The following ZNF714 variants were observed in gnomAD, a reference collection of about 807,000 sequenced individuals.
The protein encoded by ZNF714 is zinc finger protein 714.
Under a neutral mutation model 46.2 loss-of-function variants are expected in ZNF714, and 32 were observed. That is an observed-to-expected ratio of 0.69 (90% CI 0.52 to 0.93). The LOEUF is 0.93. ZNF714 is among the 40% of genes least tolerant of loss of function. The pLI, the probability that ZNF714 is intolerant of heterozygous loss-of-function variation, is 0.00. For synonymous variants in ZNF714, 199 were observed against 213.1 expected (o/e 0.93, Z 0.58); for missense variants, 635 against 646.3 (o/e 0.98, Z 0.19).
intron 4 of ZNF714, among the ~76,000 whole-genome samples, chr19:21,103,250 ATTG>A (rs1246320757): frequency 1.3e-5 from 2 of 151,726 alleles, no homozygotes; most frequent in African/African-American, 4.8e-5. Flanking sequence ...AGAAAAAGTA[ATTG>A]TTGTAAAAAC....
intron 4 of ZNF714, among the ~76,000 whole-genome samples, chr19:21,106,370 C>T (rs967665520): frequency 6.6e-6 from 1 of 151,924 alleles, no homozygotes; most frequent in Non-Finnish European, 1.5e-5. Flanking sequence ...GAGTTCGAGA[C>T]CAGCCTGACC....
chr19:21,097,467 G>C (rs997472744), intron 2 of ZNF714, among the ~76,000 whole-genome samples: 4 of 152,130 alleles, frequency 2.6e-5, no homozygotes, highest in African/African-American at 9.7e-5. Flanking sequence ...AGAGCTCTCT[G>C]ACTTTTTTTC....
rs74172391 is a variant in ZNF714 at position 21,112,816 on chromosome 19, A to ATTTTTTTTTT, written c.143-3976_143-3967dup. Among the ~76,000 whole-genome samples the ATTTTTTTTTT allele has an allele frequency of 1.1e-3, 47 of 43,208 alleles. 8 individuals carry two copies. The highest frequency in any genetic ancestry group is 3.3e-3 in the African/African-American group (43 of 12,922). 28.3% of individuals were successfully genotyped at this position (43,208 alleles called of 152,430 possible). A position where few individuals can be genotyped will look rare whatever the true frequency, so the allele number is the denominator to read the frequency against. On this transcript the variant is annotated intron_variant, in intron 4 of 4. Transcript: ENST00000456283. ...GTTTCAAATAGTTTTTTTATTTCTG[A>ATTTTTTTTTT]TTTTTTTTTTTTTTTTTTTTTTTTG... is the stretch of plus-strand genomic sequence containing the variant.
chr19:21,087,609 AAGAGT>A (rs2144822500), intron 2 of ZNF714, among the ~76,000 whole-genome samples: 1 of 152,288 alleles, frequency 6.6e-6, no homozygotes, highest in Admixed American at 6.5e-5. Flanking sequence ...CTTGTTGTTT[AAGAGT>A]AGATCAGTGC....
intron 2 of ZNF714, among the ~76,000 whole-genome samples, chr19:21,090,298 A>G (rs1412589114): frequency 2.0e-5 from 3 of 152,222 alleles, no homozygotes; most frequent in Non-Finnish European, 2.9e-5. Flanking sequence ...TTGCAGTGAT[A>G]ATAAAAAGTT....
intron 4 of ZNF714, among the ~76,000 whole-genome samples, chr19:21,102,056 T>G (rs1216207108): frequency 6.6e-6 from 1 of 152,214 alleles, no homozygotes; most frequent in Non-Finnish European, 1.5e-5. Flanking sequence ...CAGTGTACCA[T>G]GTAGCAGTCA....
At chr19:21,086,530 C>T (rs144449325) in intron 2 of ZNF714, among the ~76,000 whole-genome samples, 35 of 152,198 alleles carry the variant, frequency 2.3e-4, no homozygotes, top group African/African-American at 8.2e-4. Context: ...TAAACTGTTA[C>T]GACACTGGTA....
chr19:21,089,795 C>T (rs76737776), intron 2 of ZNF714, among the ~76,000 whole-genome samples: 92,771 of 138,050 alleles, frequency 0.67, 35,780 homozygotes, highest in East Asian at 0.87. Context: ...ACAAATGCAT[C>T]TCCAAATTAA....
At chr19:21,112,490 G>A (rs1019124341) in intron 4 of ZNF714, among the ~76,000 whole-genome samples, 11 of 148,590 alleles carry the variant, frequency 7.4e-5, no homozygotes, top group African/African-American at 2.7e-4. Flanking sequence ...TATAGCTAGT[G>A]TCTATTTTAT....
chr19:21,111,146 C>T (rs1170607442), intron 4 of ZNF714, among the ~76,000 whole-genome samples: 1 of 152,024 alleles, frequency 6.6e-6, no homozygotes, highest in Non-Finnish European at 1.5e-5. Context: ...GTAGTTTAGT[C>T]AGAATAGCAT....
chr19:21,114,724 AGTT>A (rs1747185400), intron 4 of ZNF714, among the ~76,000 whole-genome samples: 1 of 151,962 alleles, frequency 6.6e-6, no homozygotes, highest in African/African-American at 2.4e-5. Context: ...TCGTTGATGT[AGTT>A]GTTTTATAGC....
Position 21,118,360 on chromosome 19 carries a change from G to C in ZNF714, c.*28G>C. 1.6e-6 allele frequency: 1 copy of C among 630,264 alleles called. No homozygotes were observed. The highest frequency in any genetic ancestry group is 2.6e-6 in the Non-Finnish European group (1 of 387,956). The allele number at this position is 630,264 out of a possible 1,614,324, so 39.0% of individuals were successfully genotyped here. The stretch of plus-strand genomic sequence containing the variant: ...CCAGCTACTTGGGAGGCAGAGGCAG[G>C]AGAATCATTTGAACCTGGGAGGCAG... On this transcript the variant is annotated 3_prime_UTR_variant, in exon 5 of 5. Transcript: ENST00000456283.
At chr19:21,100,036 G>A (rs62124879) in intron 4 of ZNF714, among the ~76,000 whole-genome samples, 45,850 of 151,596 alleles carry the variant, frequency 0.3, 7,271 homozygotes, top group African/African-American at 0.39. Context: ...TTGTATTTTT[G>A]GTAGAGACGG....
intron 4 of ZNF714, among the ~76,000 whole-genome samples, chr19:21,099,892 G>C (rs2144845470): frequency 6.6e-6 from 1 of 152,272 alleles, no homozygotes; most frequent in South Asian, 2.1e-4. Context: ...GTCTCGCTCT[G>C]TCACCCAGGC....
chr19:21,092,565 C>G (rs934056333), intron 2 of ZNF714, among the ~76,000 whole-genome samples: 10 of 152,196 alleles, frequency 6.6e-5, no homozygotes, highest in African/African-American at 2.4e-4. Context: ...CATTCTTCCC[C>G]ACGCATGGAT....
intron 4 of ZNF714, among the ~76,000 whole-genome samples, chr19:21,105,972 C>T (rs1389601796): frequency 5.9e-5 from 9 of 151,634 alleles, no homozygotes; most frequent in East Asian, 2.0e-4. Context: ...ATAAATAGGC[C>T]AGGCGCGGTG....
chr19:21,093,382 G>A (rs142288668), intron 2 of ZNF714, among the ~76,000 whole-genome samples: 2,296 of 151,370 alleles, frequency 0.015, 31 homozygotes, highest in Non-Finnish European at 0.026. Context: ...ACAGGCATGC[G>A]CCACCACTCA....
Position 21,082,398 on chromosome 19 carries a change from A to G in ZNF714, c.-177+50A>G, listed in dbSNP as rs754800282. 4.2e-6 allele frequency: 6 copies of G among 1,439,816 alleles called. No individual in the cohort carries two copies. In the South Asian group the frequency reaches 5.6e-5, roughly 14 times the overall value. 89.2% of individuals were successfully genotyped at this position (1,439,816 alleles called of 1,614,324 possible). A position where few individuals can be genotyped will look rare whatever the true frequency, so the allele number is the denominator to read the frequency against. ...CGAGAGAGGGGAAGGGGCGGGTTGTAAGCGGTGGGAAGTGGCTGTGGTGGG... is the reference window on the plus strand; with the variant it reads ...CGAGAGAGGGGAAGGGGCGGGTTGTGAGCGGTGGGAAGTGGCTGTGGTGGG... On this transcript the variant is annotated intron_variant, in intron 1 of 4. Coordinates refer to ENST00000456283, the MANE Select transcript of ZNF714 (RefSeq NM_182515.4).
At chr19:21,112,815 G>GTTTTTTTTTTTTT (rs1314785181) in intron 4 of ZNF714, among the ~76,000 whole-genome samples, 24 of 41,722 alleles carry the variant, frequency 5.8e-4, no homozygotes, top group East Asian at 1.5e-3. Flanking sequence ...TTTTATTTCT[G>GTTTTTTTTTTTTT]ATTTTTTTTT....
Sources: gnomAD v4.1 joint callset for allele counts (sites outside exome capture counted in the v4.1 genomes callset) on GRCh38, gnomAD v4.1.1 for gene constraint, MANE v1.5 for transcripts, NCBI Gene and HGNC (gene_info 2026-07-23, HGNC 2026-07-21) for gene names.